TMEM217: variants seen among roughly 807,000 people sequenced by gnomAD.
TMEM217 encodes the protein chromosome 6 open reading frame 128.
For synonymous variants in TMEM217, 76 were observed against 88.3 expected, an observed-to-expected ratio of 0.86 and a Z score of 0.78; for missense variants, 204 against 248.8, an observed-to-expected ratio of 0.82 and a Z score of 1.21.
intron 1 of TMEM217, among the ~76,000 whole-genome samples, chr6:37,222,319 G>GC (rs1029201429): frequency 6.6e-6 from 1 of 152,122 alleles, no homozygotes; most frequent in Non-Finnish European, 1.5e-5. Context: ...GCCATCCATG[G>GC]CCCCCCCAGG....
chr6:37,252,967 C>T lies in TMEM217; in HGVS notation c.-12+4601G>A, dbSNP rs549106946. Among the ~76,000 whole-genome samples the T allele has an allele frequency of 1.2e-4, 19 of 152,088 alleles. No individual in the cohort carries two copies. The South Asian group carries it at 2.3e-3, about 18-fold the overall frequency. On this transcript the variant is annotated intron_variant, in intron 1 of 1. Transcript: ENST00000357219. Reference sequence around the variant, plus strand: ...ATGTATATTTTATAATATTAAAAAACGGTAACATTAAAGAAAAGTTCCAGA... The same window carrying T: ...ATGTATATTTTATAATATTAAAAAATGGTAACATTAAAGAAAAGTTCCAGA...
intron 1 of TMEM217, among the ~76,000 whole-genome samples, chr6:37,241,099 C>CTTTT (rs74398542): frequency 7.5e-6 from 1 of 132,928 alleles, no homozygotes; most frequent in African/African-American, 2.8e-5. Context: ...AAGTATTACT[C>CTTTT]TTTTTTTTTT....
chr6:37,242,985 A>G (rs936493679), intron 1 of TMEM217, among the ~76,000 whole-genome samples: 16 of 152,192 alleles, frequency 1.1e-4, no homozygotes, highest in Non-Finnish European at 2.4e-4. Flanking sequence ...CACATGGCAC[A>G]TGTAGCTGCA....
rs555879713 is a variant in TMEM217, at chr6:37,218,407, C to A, written c.*15G>T. Reference sequence around the variant, plus strand: ...GGCCAGGCTGGTCTTGAACTCCTGACCTCAGGCGATCCACCTACCTCTGCC... The same window carrying A: ...GGCCAGGCTGGTCTTGAACTCCTGAACTCAGGCGATCCACCTACCTCTGCC... On this transcript the variant is annotated 3_prime_UTR_variant, in exon 2 of 2. Transcript: ENST00000357219. The A allele has an allele frequency of 5.1e-6, 8 of 1,559,782 alleles. No homozygotes were observed. In the East Asian group the frequency reaches 6.7e-5, roughly 13 times the overall value.
At chr6:37,245,676 C>CA (rs1223852651) in intron 1 of TMEM217, among the ~76,000 whole-genome samples, 1 of 151,934 alleles carries the variant, frequency 6.6e-6, no homozygotes, top group African/African-American at 2.4e-5. Context: ...ACAACAGTGA[C>CA]AATAAGGAAG....
chr6:37,219,930 T>C (rs1306928220), intron 1 of TMEM217, among the ~76,000 whole-genome samples: 1 of 152,190 alleles, frequency 6.6e-6, no homozygotes, highest in East Asian at 1.9e-4. Flanking sequence ...ATCGCTTCTC[T>C]ACTACATATC....
chr6:37,219,989 C>A (rs1763419467), intron 1 of TMEM217, among the ~76,000 whole-genome samples: 1 of 152,020 alleles, frequency 6.6e-6, no homozygotes, highest in African/African-American at 2.4e-5. Flanking sequence ...AAATTTAGAG[C>A]CCTAGGATAG....
chr6:37,224,854 T>C (rs1005952217), intron 1 of TMEM217, among the ~76,000 whole-genome samples: 7 of 152,072 alleles, frequency 4.6e-5, no homozygotes, highest in African/African-American at 1.7e-4. Context: ...TTTTTGGCCA[T>C]ACATATATAT....
chr6:37,219,205 TG>T (rs1240364720), intron 1 of TMEM217, among the ~76,000 whole-genome samples, 164 bp from the exon 2 acceptor site: 1 of 151,996 alleles, frequency 6.6e-6, no homozygotes, highest in Non-Finnish European at 1.5e-5. Flanking sequence ...TAAAATAGAT[TG>T]GGGGTGGGGA....
At chr6:37,250,731 G>A (rs1765354614) in intron 1 of TMEM217, among the ~76,000 whole-genome samples, 1 of 152,246 alleles carries the variant, frequency 6.6e-6, no homozygotes, top group Non-Finnish European at 1.5e-5. Context: ...GTATGTGTAA[G>A]TGTAAAAAAG....
intron 1 of TMEM217, among the ~76,000 whole-genome samples, chr6:37,255,335 G>A (rs1249772780): frequency 6.6e-6 from 1 of 152,068 alleles, no homozygotes; most frequent in East Asian, 1.9e-4. Context: ...TACAATGGGG[G>A]CCATTGCAAA....
At chr6:37,256,519 A>C (rs1282673766) in intron 1 of TMEM217, among the ~76,000 whole-genome samples, 1 of 152,238 alleles carries the variant, frequency 6.6e-6, no homozygotes, top group African/African-American at 2.4e-5. Flanking sequence ...AAAGAAGATA[A>C]GATGCTTTTA....
At chr6:37,229,813 A>T (rs1035742338) in intron 1 of TMEM217, among the ~76,000 whole-genome samples, 6 of 152,134 alleles carry the variant, frequency 3.9e-5, no homozygotes, top group Admixed American at 3.9e-4. Flanking sequence ...CCACAAACTG[A>T]GTGGTTACAA....
chr6:37,215,363 T>C, downstream of TMEM217: 1 of 1,488,436 alleles, frequency 6.7e-7, no homozygotes, highest in Non-Finnish European at 9.0e-7. Context: ...GATCACGAGG[T>C]CAGGAGTTCA....
At chr6:37,251,031 A>G (rs1674971344) in intron 1 of TMEM217, among the ~76,000 whole-genome samples, 1 of 133,942 alleles carries the variant, frequency 7.5e-6, no homozygotes, top group Non-Finnish European at 1.7e-5. Context: ...CCTTTCCACC[A>G]TGTGGGGACA....
intron 1 of TMEM217, among the ~76,000 whole-genome samples, chr6:37,234,084 G>C (rs1217205902): frequency 6.7e-6 from 1 of 148,400 alleles, no homozygotes; most frequent in African/African-American, 2.5e-5. Flanking sequence ...TGTTTGGTAG[G>C]TTAGGTGTAT....
intron 1 of TMEM217, among the ~76,000 whole-genome samples, chr6:37,231,202 G>A (rs552881159): frequency 9.5e-4 from 143 of 149,974 alleles, no homozygotes; most frequent in African/African-American, 2.8e-3. Flanking sequence ...TGGGATTACA[G>A]GTGCAAGCCA....
At chr6:37,213,493 A>G (rs1460152763), downstream of TMEM217, among the ~76,000 whole-genome samples, 1 of 152,214 alleles carries the variant, frequency 6.6e-6, no homozygotes, top group Non-Finnish European at 1.5e-5. Context: ...CTCCCTGGGC[A>G]TGGCCCAGCC....
chr6:37,250,465 A>G (rs962034733), intron 1 of TMEM217, among the ~76,000 whole-genome samples: 3 of 152,250 alleles, frequency 2.0e-5, no homozygotes, highest in Non-Finnish European at 4.4e-5. Context: ...GATGTGGAGC[A>G]ATGTAAACTC....
Sources: allele counts gnomAD v4.1 joint callset (sites outside exome capture counted in the v4.1 genomes callset), GRCh38; gene constraint gnomAD v4.1.1; transcripts MANE v1.5; gene names NCBI Gene and HGNC (gene_info 2026-07-23, HGNC 2026-07-21).